The following ZPBP variants were observed in gnomAD, a reference collection of about 807,000 sequenced individuals.
The protein encoded by ZPBP is zona pellucida-binding protein 1.
ZPBP carries 26 observed loss-of-function variants against 44.8 expected under a neutral mutation model. That is an observed-to-expected ratio of 0.58 (90% CI 0.43 to 0.81). The LOEUF (loss-of-function observed/expected upper bound fraction) is 0.81. Among genes scored for constraint, ZPBP ranks in the 30% least tolerant of loss-of-function variants. The probability of loss-of-function intolerance (pLI) is 0.00; values close to 1 mark genes in which losing one functional copy is unlikely to be tolerated. For missense variants in ZPBP, 409 were observed against 434.0 expected (o/e 0.94, Z 0.51); for synonymous variants, 174 against 153.2 (o/e 1.14, Z -1.00).
intron 7 of ZPBP, among the ~76,000 whole-genome samples, chr7:49,939,260 C>T (rs933787150): frequency 3.3e-5 from 5 of 152,138 alleles, no homozygotes; most frequent in Non-Finnish European, 7.4e-5. Context: ...AGTCTTTACA[C>T]ATATGCTTTA....
chr7:49,900,937 G>A (rs1679021515), intron 2 of ZPBP, among the ~76,000 whole-genome samples: 1 of 151,766 alleles, frequency 6.6e-6, no homozygotes, highest in Admixed American at 6.6e-5. Context: ...TTTATCCCAG[G>A]TATGCCTTAA....
chr7:49,856,269 T>C (rs1790413157), intron 2 of ZPBP, among the ~76,000 whole-genome samples: 1 of 152,150 alleles, frequency 6.6e-6, no homozygotes, highest in Admixed American at 6.5e-5. Context: ...GCTCTCCCCT[T>C]GGTAATGAGT....
At chr7:49,858,622 T>G (rs1042652689) in intron 2 of ZPBP, among the ~76,000 whole-genome samples, 2 of 151,134 alleles carry the variant, frequency 1.3e-5, no homozygotes, top group Non-Finnish European at 2.9e-5. Flanking sequence ...AGTTAATGGG[T>G]GCAGCACACC....
chr7:50,010,986 A>G (rs1798547600), intron 6 of ZPBP, among the ~76,000 whole-genome samples: 1 of 151,716 alleles, frequency 6.6e-6, no homozygotes, highest in Non-Finnish European at 1.5e-5. Context: ...TACAGTTGCC[A>G]AAACAGCATA....
In ZPBP at chr7:50,066,107, G is replaced by A. The variant is rs1256549409; in HGVS notation, c.335-7966C>T. ...TTCTGTACAGATGTTTAGGGCTGCT[G>A]CTGCTTAAGCCTCTCTTGTGTTAAA... On this transcript the variant is annotated intron_variant, in intron 3 of 7. Transcript: ENST00000046087. 2.6e-5 allele frequency among the ~76,000 whole-genome samples: 4 copies of A among 151,040 alleles called. 1 individual carries two copies. The highest frequency in any genetic ancestry group is 9.8e-5 in the African/African-American group (4 of 40,858).
At chr7:49,877,944 T>G (rs1490855059) in intron 2 of ZPBP, among the ~76,000 whole-genome samples, 1 of 152,104 alleles carries the variant, frequency 6.6e-6, no homozygotes, top group Non-Finnish European at 1.5e-5. Flanking sequence ...TCTGTCATTT[T>G]GGGGTTTAGT....
At chr7:50,005,602 A>C (rs1479336298) in intron 6 of ZPBP, among the ~76,000 whole-genome samples, 5 of 151,976 alleles carry the variant, frequency 3.3e-5, no homozygotes, top group Non-Finnish European at 7.4e-5. Flanking sequence ...TGCCCCAGGC[A>C]ATCACAAATA....
At chr7:50,035,033 C>G (rs1799768928) in intron 4 of ZPBP, among the ~76,000 whole-genome samples, 1 of 152,210 alleles carries the variant, frequency 6.6e-6, no homozygotes, top group Non-Finnish European at 1.5e-5. Flanking sequence ...GGAGACAACA[C>G]TTGCTAATCT....
chr7:49,843,394 G>A, the ZPBP span, among the ~76,000 whole-genome samples: 21 of 152,096 alleles, frequency 1.4e-4, no homozygotes, highest in East Asian at 1.9e-3. Flanking sequence ...GCCCATGGAC[G>A]TATTAAGCAA....
intron 2 of ZPBP, among the ~76,000 whole-genome samples, chr7:49,852,836 T>C (rs1371820122): frequency 6.6e-6 from 1 of 152,200 alleles, no homozygotes; most frequent in Non-Finnish European, 1.5e-5. Context: ...TCCGTCTCCA[T>C]CTAGTGACTG....
chr7:49,998,392 T>G (rs996269384), intron 6 of ZPBP, among the ~76,000 whole-genome samples: 2 of 152,212 alleles, frequency 1.3e-5, no homozygotes. Flanking sequence ...ATGTGATACT[T>G]GAGCCGGGAA....
chr7:50,076,842 A>T (rs1252694706), intron 3 of ZPBP, among the ~76,000 whole-genome samples: 2 of 151,940 alleles, frequency 1.3e-5, no homozygotes, highest in Non-Finnish European at 1.5e-5. Context: ...CTGGAGATTC[A>T]ATGCAATCCC....
At chr7:49,901,541 A>T (rs1179818303) in intron 1 of ZPBP, among the ~76,000 whole-genome samples, 1 of 151,874 alleles carries the variant, frequency 6.6e-6, no homozygotes, top group East Asian at 1.9e-4. Context: ...TAAAATTATG[A>T]TAGAAAAAAT....
At chr7:49,856,091 C>G (rs1790406037) in intron 2 of ZPBP, among the ~76,000 whole-genome samples, 1 of 152,144 alleles carries the variant, frequency 6.6e-6, no homozygotes, top group African/African-American at 2.4e-5. Context: ...GAAACACCAC[C>G]CTACTGGGAG....
chr7:49,987,441 G>A (rs1554363354), intron 6 of ZPBP, among the ~76,000 whole-genome samples: 1 of 152,068 alleles, frequency 6.6e-6, no homozygotes, highest in Admixed American at 6.5e-5. Context: ...GGGAATCCTT[G>A]GGAAAAACAG....
At chr7:49,980,979 A>G (rs1375530869) in intron 7 of ZPBP, among the ~76,000 whole-genome samples, 2 of 151,504 alleles carry the variant, frequency 1.3e-5, no homozygotes, top group Non-Finnish European at 2.9e-5. Context: ...ATTTGGCTAG[A>G]GTTATCTTTA....
At chr7:49,986,037 C>T (rs1349904318) in intron 6 of ZPBP, among the ~76,000 whole-genome samples, 1 of 152,148 alleles carries the variant, frequency 6.6e-6, no homozygotes, top group Non-Finnish European at 1.5e-5. Flanking sequence ...TGTGTCCATG[C>T]ACCTAATTTT....
intron 3 of ZPBP, among the ~76,000 whole-genome samples, chr7:50,072,703 A>C (rs4917112): frequency 6.6e-6 from 1 of 152,310 alleles, no homozygotes; most frequent in East Asian, 1.9e-4. Flanking sequence ...GTAATCCAGA[A>C]AATTTTCCTG....
At chr7:49,998,366 A>C (rs1319687234) in intron 6 of ZPBP, among the ~76,000 whole-genome samples, 1 of 152,198 alleles carries the variant, frequency 6.6e-6, no homozygotes, top group Non-Finnish European at 1.5e-5. Flanking sequence ...CACACCTGGA[A>C]CGTCTGAAGC....
Sources: gnomAD v4.1 joint callset for allele counts (sites outside exome capture counted in the v4.1 genomes callset) on GRCh38, gnomAD v4.1.1 for gene constraint, MANE v1.5 for transcripts, NCBI Gene and HGNC (gene_info 2026-07-23, HGNC 2026-07-21) for gene names.